The following SAMD5 variants were observed in gnomAD, a reference collection of about 807,000 sequenced individuals.
SAMD5 encodes sterile alpha motif domain containing 5.
In SAMD5, 13 loss-of-function variants were observed where a neutral mutation model predicts 11.3. The ratio of observed to expected loss-of-function variants is 1.15; its 90% CI spans 0.75 to 1.83. The LOEUF (loss-of-function observed/expected upper bound fraction) is 1.83. Ranked by LOEUF, SAMD5 falls within the 40% of genes most tolerant of loss-of-function variation. The probability of loss-of-function intolerance (pLI) is 0.00; values close to 1 mark genes in which losing one functional copy is unlikely to be tolerated. For synonymous variants in SAMD5, 129 were observed against 111.3 expected (o/e 1.16, Z -1.00); for missense variants, 255 against 239.1 (o/e 1.07, Z -0.44).
At chr6:147,746,343 C>A in the SAMD5 span, among the ~76,000 whole-genome samples, 1 of 152,142 alleles carries the variant, frequency 6.6e-6, no homozygotes, top group Admixed American at 6.5e-5. Context: ...GGGATGGCTG[C>A]GAATGAGTAC....
At chr6:147,789,044 A>T in the SAMD5 span, among the ~76,000 whole-genome samples, 1 of 151,074 alleles carries the variant, frequency 6.6e-6, no homozygotes, top group Middle Eastern at 3.2e-3. Flanking sequence ...AGATCACGCC[A>T]CTGCACTCCA....
chr6:147,687,281 T>C (rs1182075285), intron 1 of SAMD5, among the ~76,000 whole-genome samples: 9 of 144,756 alleles, frequency 6.2e-5, no homozygotes, highest in African/African-American at 2.3e-4. Flanking sequence ...TCCTTCTTTT[T>C]TTTTTTTTTT....
At chr6:147,712,781 G>A (rs1791417424) in intron 1 of SAMD5, among the ~76,000 whole-genome samples, 1 of 151,106 alleles carries the variant, frequency 6.6e-6, no homozygotes, top group Non-Finnish European at 1.5e-5. Flanking sequence ...AAATCTGCTG[G>A]CTTAGACTTC....
the SAMD5 span, among the ~76,000 whole-genome samples, chr6:147,868,803 G>A: frequency 6.6e-6 from 1 of 152,208 alleles, no homozygotes; most frequent in East Asian, 1.9e-4. Context: ...ACCAGGCAGT[G>A]TGCAGATATA....
At chr6:147,776,899 C>G in the SAMD5 span, among the ~76,000 whole-genome samples, 1 of 152,118 alleles carries the variant, frequency 6.6e-6, no homozygotes, top group Admixed American at 6.6e-5. Context: ...CTTAAGTAAA[C>G]AATAAATAAC....
chr6:147,787,990 A>G, the SAMD5 span, among the ~76,000 whole-genome samples: 2 of 152,168 alleles, frequency 1.3e-5, no homozygotes, highest in Non-Finnish European at 2.9e-5. Context: ...GTATTCGGTG[A>G]ATGGTTAATA....
chr6:147,711,060 A>AGAAG lies in SAMD5; in HGVS notation c.163-26243_163-26240dup, dbSNP rs562515267. Among the ~76,000 whole-genome samples, 4 of 151,332 alleles carry AGAAG rather than the reference A, an allele frequency of 2.6e-5. No homozygotes were observed. The highest frequency in any genetic ancestry group is 2.1e-4 in the South Asian group (1 of 4,740). On this transcript the variant is annotated intron_variant, in intron 1 of 1. Transcript: ENST00000566741. This position sits in a 1 kb window ranked among gnomAD's most constrained non-coding sequence, Gnocchi z 4.1. The stretch of plus-strand genomic sequence containing the variant: ...AAGGAAAATGAAAGAAGGAAGGAAA[A>AGAAG]GAAGGAAGGAAGGAAGGGAAGGAAG...
chr6:147,602,898 T>G (rs1461723988), intron 1 of SAMD5, among the ~76,000 whole-genome samples: 2 of 152,194 alleles, frequency 1.3e-5, no homozygotes, highest in Non-Finnish European at 2.9e-5. Flanking sequence ...AATGTGTGGT[T>G]GCGGAGGCTG....
intron 1 of SAMD5, among the ~76,000 whole-genome samples, chr6:147,696,709 G>A (rs1437842256): frequency 6.6e-6 from 1 of 152,114 alleles, no homozygotes; most frequent in Non-Finnish European, 1.5e-5. Flanking sequence ...GTGACTTTGG[G>A]CAGTTTATTT....
At chr6:147,864,861 G>A in the SAMD5 span, among the ~76,000 whole-genome samples, 6 of 152,124 alleles carry the variant, frequency 3.9e-5, no homozygotes, top group Non-Finnish European at 8.8e-5. Flanking sequence ...CATTGTCTGT[G>A]CCCTACAGCT....
the SAMD5 span, among the ~76,000 whole-genome samples, chr6:147,761,995 G>A: frequency 7.6e-4 from 116 of 152,128 alleles, no homozygotes; most frequent in Non-Finnish European, 1.3e-3. Flanking sequence ...TTACATATGT[G>A]AGCCACCACG....
At chr6:147,780,067 C>T in the SAMD5 span, among the ~76,000 whole-genome samples, 1 of 152,198 alleles carries the variant, frequency 6.6e-6, no homozygotes, top group African/African-American at 2.4e-5. Context: ...TTTTGAGCTC[C>T]TGCTATTCCA....
chr6:147,940,329 G>T, the SAMD5 span, among the ~76,000 whole-genome samples: 34,863 of 151,686 alleles, frequency 0.23, 4,570 homozygotes, highest in African/African-American at 0.35. Context: ...TAGTTTAGGG[G>T]GTGGAATCAC....
chr6:147,579,188 A>G (rs1035163946), intron 1 of SAMD5, among the ~76,000 whole-genome samples: 16 of 152,378 alleles, frequency 1.1e-4, no homozygotes, highest in Non-Finnish European at 4.4e-5. Context: ...ATAGCCATGC[A>G]GAGAACTTAA....
intron 1 of SAMD5, among the ~76,000 whole-genome samples, chr6:147,696,504 G>A (rs1030931262): frequency 1.3e-5 from 2 of 152,124 alleles, no homozygotes; most frequent in Admixed American, 6.5e-5. Context: ...GGACCAATGG[G>A]TCTGGCACCC....
chr6:147,570,928 C>T (rs1368589205), downstream of SAMD5, among the ~76,000 whole-genome samples: 1 of 152,162 alleles, frequency 6.6e-6, no homozygotes, highest in African/African-American at 2.4e-5. Context: ...TCCTCTAATC[C>T]TGGCTTTTGT....
At chr6:147,643,775 AGG>A (rs1165604038) in intron 1 of SAMD5, among the ~76,000 whole-genome samples, 1 of 137,998 alleles carries the variant, frequency 7.2e-6, no homozygotes, top group Admixed American at 7.1e-5. Context: ...GAAGGAAGGA[AGG>A]AAGGAAGGAA....
At position 147,711,958 on chromosome 6, in the gene SAMD5, G is replaced by T. The variant is rs542918505; in HGVS notation, c.163-25359G>T. Among the ~76,000 whole-genome samples, 1 of 152,124 alleles carries T rather than the reference G, an allele frequency of 6.6e-6. No homozygotes were observed. The highest frequency in any genetic ancestry group is 2.4e-5 in the African/African-American group (1 of 41,498). ...GCTAAGATGTATCTTCAGTACCTTG[G>T]GACAAAGAAATGAGCATTTTCTTAC... On this transcript the variant is annotated intron_variant, in intron 1 of 1. Coordinates refer to the SAMD5 transcript ENST00000566741. The surrounding 1 kb of genome is among the most constrained non-coding windows in gnomAD (Gnocchi z 4.1).
the SAMD5 span, among the ~76,000 whole-genome samples, chr6:147,883,500 C>T: frequency 6.6e-6 from 1 of 152,184 alleles, no homozygotes; most frequent in African/African-American, 2.4e-5. Flanking sequence ...CACAGCTATA[C>T]ATTTCAGAGT....
Sources: allele counts gnomAD v4.1 joint callset (sites outside exome capture counted in the v4.1 genomes callset), GRCh38; gene constraint gnomAD v4.1.1; non-coding constraint Gnocchi (gnomAD v3.1); transcripts MANE v1.5; gene names NCBI Gene and HGNC (gene_info 2026-07-23, HGNC 2026-07-21).